SMIM8: variants seen among roughly 807,000 people sequenced by gnomAD.
The protein encoded by SMIM8 is small integral membrane protein 8.
A neutral mutation model predicts 8.1 loss-of-function variants in SMIM8; 8 were observed. The observed-to-expected ratio is 0.99, with a 90% CI of 0.58 to 1.78. SMIM8 has a LOEUF of 1.78. SMIM8 is among the 40% of genes most tolerant of loss of function. The pLI, the probability that SMIM8 is intolerant of heterozygous loss-of-function variation, is 0.00. For missense variants in SMIM8, 126 were observed against 119.8 expected, an observed-to-expected ratio of 1.05 and a Z score of -0.24; for synonymous variants, 45 against 39.7, an observed-to-expected ratio of 1.13 and a Z score of -0.50.
intron 1 of SMIM8, among the ~76,000 whole-genome samples, chr6:87,327,696 T>A: frequency 2.8e-5 from 4 of 142,960 alleles, no homozygotes; most frequent in African/African-American, 2.6e-5. Flanking sequence ...CATTTTTTCC[T>A]TCATTTCAAC....
intron 1 of SMIM8, among the ~76,000 whole-genome samples, chr6:87,326,422 C>G (rs967216971): frequency 2.0e-5 from 3 of 152,080 alleles, no homozygotes; most frequent in Non-Finnish European, 2.9e-5. Context: ...AAATTTCCCT[C>G]TACATGCTGC....
At chr6:87,334,112 C>T (rs929280111) in intron 2 of SMIM8, among the ~76,000 whole-genome samples, 5 of 152,294 alleles carry the variant, frequency 3.3e-5, no homozygotes, top group South Asian at 2.1e-4. Flanking sequence ...AGTAAGAACT[C>T]GCTCATTACT....
chr6:87,325,863 C>T (rs1482996998), intron 1 of SMIM8, among the ~76,000 whole-genome samples: 1 of 152,238 alleles, frequency 6.6e-6, no homozygotes, highest in Non-Finnish European at 1.5e-5. Flanking sequence ...CCTTGTACCT[C>T]TGTTAGAATT....
intron 1 of SMIM8, among the ~76,000 whole-genome samples, chr6:87,324,044 A>G (rs565049844): frequency 0.02 from 3,034 of 149,322 alleles, 111 homozygotes; most frequent in African/African-American, 0.072. Context: ...GCATTTTTTC[A>G]TGTGTGTTTT....
intron 1 of SMIM8, among the ~76,000 whole-genome samples, chr6:87,328,353 C>G (rs1776889376): frequency 6.6e-6 from 1 of 152,158 alleles, no homozygotes; most frequent in African/African-American, 2.4e-5. Context: ...TCCAGTTTTT[C>G]TGCTCTGTTT....
chr6:87,323,136 G>C lies in SMIM8; in HGVS notation c.-45+504G>C, dbSNP rs182673207. On this transcript the variant is annotated intron_variant, in intron 1 of 3. Coordinates refer to ENST00000392863, the MANE Select transcript of SMIM8 (RefSeq NM_001042493.3). Reference sequence around the variant, plus strand: ...TTGAGTAAGCCTTCGGCACCGAACAGTAGTCCATGACATTGGGGGAAGCCA... The same window carrying C: ...TTGAGTAAGCCTTCGGCACCGAACACTAGTCCATGACATTGGGGGAAGCCA... 23 of 151,036 alleles carry C rather than the reference G, an allele frequency of 1.5e-4. No homozygotes were observed. In the East Asian group the frequency reaches 4.4e-3, roughly 29 times the overall value. 9.4% of individuals were successfully genotyped at this position (151,036 alleles called of 1,614,324 possible). A position where few individuals can be genotyped will look rare whatever the true frequency, so the allele number is the denominator to read the frequency against.
Position 87,341,262 on chromosome 6 carries a change from G to A in SMIM8, c.*988G>A, listed in dbSNP as rs1448502238. On this transcript the variant is annotated 3_prime_UTR_variant, in exon 4 of 4. Coordinates refer to ENST00000392863, the MANE Select transcript of SMIM8 (RefSeq NM_001042493.3). ...TTCTCTGAAGCATCAGCATTTTGAA[G>A]TGTCTTTTATGGAAGTGGGGACAGA... 8 of 398,224 alleles carry A rather than the reference G, an allele frequency of 2.0e-5. No homozygotes were observed. In the Admixed American group the frequency reaches 2.2e-4, roughly 11 times the overall value. The allele number at this position is 398,224 out of a possible 1,614,324, so 24.7% of individuals were successfully genotyped here. A position where few individuals can be genotyped will look rare whatever the true frequency, so the allele number is the denominator to read the frequency against.
At chr6:87,339,326 G>A (rs1376532753) in intron 3 of SMIM8, among the ~76,000 whole-genome samples, 6 of 2,210 alleles carry the variant, frequency 2.7e-3, no homozygotes, top group African/African-American at 0.015. Context: ...AAAACACAGC[G>A]TGTGTGTGTG....
chr6:87,340,547 T>C lies in SMIM8; in HGVS notation c.*273T>C, dbSNP rs1164830188. The C allele has an allele frequency of 9.2e-6, 2 of 218,038 alleles. No individual in the cohort carries two copies. Among genetic ancestry groups the C allele is most frequent in the Non-Finnish European group, 1.8e-5 (2 of 112,194 alleles). The allele number at this position is 218,038 out of a possible 1,614,324, so 13.5% of individuals were successfully genotyped here. ...AATGGAAGTTGTTTTTGTTAATTAT[T>C]AAATTCTGTATAATAAAAGTACCCA... On this transcript the variant is annotated 3_prime_UTR_variant, in exon 4 of 4. Coordinates refer to ENST00000392863, the MANE Select transcript of SMIM8 (RefSeq NM_001042493.3).
intron 1 of SMIM8, among the ~76,000 whole-genome samples, chr6:87,330,228 A>AT (rs1464286161): frequency 2.0e-5 from 3 of 152,130 alleles, no homozygotes; most frequent in South Asian, 2.1e-4. Context: ...TCATTAAAAT[A>AT]TTTTGCCCAT....
At chr6:87,339,256 T>C (rs2127925658) in intron 3 of SMIM8, among the ~76,000 whole-genome samples, 1 of 151,980 alleles carries the variant, frequency 6.6e-6, no homozygotes, top group African/African-American at 2.4e-5. Context: ...GAGCTATGAT[T>C]GCACCACTGC....
In SMIM8 at chr6:87,337,024, T is replaced by G. The variant is rs1270303852; in HGVS notation, c.-8T>G. On this transcript the variant is annotated 5_prime_UTR_variant, in exon 3 of 4. In the 5' UTR this introduces an upstream ATG that the reference lacks. Transcript: ENST00000392863. ...TTGTTTTTAGATAATAAATCATCAT[T>G]GATCAAGATGTCTTCAGCACCTGAG... 6.3e-7 allele frequency: 1 copy of G among 1,583,066 alleles called. No homozygotes were observed. Among genetic ancestry groups the G allele is most frequent in the African/African-American group, 1.4e-5 (1 of 73,214 alleles).
chr6:87,337,255 G>C (rs1160070743), intron 3 of SMIM8, 89 bp downstream of exon 3: 7 of 1,406,706 alleles, frequency 5.0e-6, no homozygotes. Flanking sequence ...TTTTATCATG[G>C]AAATTTTATG....
Position 87,326,539 on chromosome 6 carries a change from A to C in SMIM8, c.-45+3907A>C, listed in dbSNP as rs539203969. Among the ~76,000 whole-genome samples, 5 of 151,492 alleles carry C rather than the reference A, an allele frequency of 3.3e-5. No homozygotes were observed. The South Asian group carries it at 8.4e-4, about 26-fold the overall frequency. ...TTCGTTATGTACCCAGTAGTCATTC[A>C]GGAGCAGGTTGTTCAGTTTCCATGT... is the stretch of plus-strand genomic sequence containing the variant. On this transcript the variant is annotated intron_variant, in intron 1 of 3. Coordinates refer to ENST00000392863, the MANE Select transcript of SMIM8 (RefSeq NM_001042493.3).
chr6:87,328,390 C>CT (rs542510884), intron 1 of SMIM8, among the ~76,000 whole-genome samples: 171 of 152,144 alleles, frequency 1.1e-3, no homozygotes, highest in African/African-American at 3.8e-3. Flanking sequence ...GTTTTATCTA[C>CT]TTTTTGTCTT....
chr6:87,337,627 T>C (rs1777141133), intron 3 of SMIM8, among the ~76,000 whole-genome samples: 1 of 152,160 alleles, frequency 6.6e-6, no homozygotes, highest in Non-Finnish European at 1.5e-5. Context: ...TTCCAAAACA[T>C]TTGATTTGAT....
chr6:87,335,845 CAAAAAAAA>C (rs35840147), intron 2 of SMIM8, among the ~76,000 whole-genome samples: 6,838 of 56,426 alleles, frequency 0.12, 249 homozygotes, highest in East Asian at 0.25. Context: ...CCGTCCCTAC[CAAAAAAAA>C]AAAAAAAAAA....
intron 1 of SMIM8, among the ~76,000 whole-genome samples, chr6:87,327,416 T>A (rs1454835988): frequency 6.6e-6 from 1 of 152,230 alleles, no homozygotes; most frequent in Non-Finnish European, 1.5e-5. Context: ...CCATGTTTAG[T>A]GCTTCCTTCA....
At chr6:87,332,320 C>CCATATATATATATATATATATATATAT in intron 2 of SMIM8, among the ~76,000 whole-genome samples, 1 of 93,108 alleles carries the variant, frequency 1.1e-5, no homozygotes, top group African/African-American at 4.4e-5. Flanking sequence ...CCTCCCCCCC[C>CCATATATATATATATATATATATATAT]ATATATGTAT....
Sources: gnomAD v4.1 joint callset for allele counts (sites outside exome capture counted in the v4.1 genomes callset) on GRCh38, gnomAD v4.1.1 for gene constraint, MANE v1.5 for transcripts, NCBI Gene and HGNC (gene_info 2026-07-23, HGNC 2026-07-21) for gene names.